Variants in BANK1 observed in about 807,000 individuals in gnomAD.
BANK1 encodes B cell scaffold protein with ankyrin repeats 1, also known as B-cell scaffold protein with ankyrin repeats.
A neutral mutation model predicts 94.5 loss-of-function variants in BANK1; 95 were observed. The ratio of observed to expected loss-of-function variants is 1.00; its 90% confidence interval spans 0.85 to 1.19. The LOEUF (loss-of-function observed/expected upper bound fraction) is 1.19, where lower values mean the gene tolerates loss of function less well. BANK1 is among the 50% of genes most tolerant of loss of function. BANK1 has a pLI of 0.00. For missense variants in BANK1, 987 were observed against 932.2 expected (o/e 1.06, Z -0.77); for synonymous variants, 334 against 308.4 (o/e 1.08, Z -0.87).
intron 7 of BANK1, among the ~76,000 whole-genome samples, chr4:102,008,851 G>T (rs934973903): frequency 3.3e-5 from 5 of 152,188 alleles, no homozygotes; most frequent in Middle Eastern, 3.4e-3. Context: ...TTGTATCCAA[G>T]CCAGATGTCA....
intron 2 of BANK1, 63 bp downstream of exon 2, chr4:101,830,269 A>C: frequency 7.3e-7 from 1 of 1,362,108 alleles, no homozygotes; most frequent in Non-Finnish European, 9.7e-7. Flanking sequence ...TAATTAAAGA[A>C]TTGCAAGTTG....
In BANK1 at chr4:102,031,547, G is replaced by A. The variant is rs529911430; in HGVS notation, c.1900+1282G>A. ...GCTCATTTTTAAATTTAGAAACATA[G>A]TGAGTAAAGAAAATAAGAATGATGG... On this transcript the variant is annotated intron_variant, in intron 10 of 16. Transcript: ENST00000322953. Among the ~76,000 whole-genome samples the A allele has an allele frequency of 4.6e-5, 7 of 152,230 alleles. No homozygotes were observed. The South Asian group carries it at 1.5e-3, about 32-fold the overall frequency.
chr4:101,888,512 A>G (rs1045760703), intron 5 of BANK1, among the ~76,000 whole-genome samples: 19 of 152,192 alleles, frequency 1.2e-4, no homozygotes, highest in Admixed American at 1.2e-3. Context: ...TTACTTAAAT[A>G]CTATTTCAGA....
At chr4:101,795,467 T>G (rs1476034317) in intron 1 of BANK1, among the ~76,000 whole-genome samples, 3 of 152,174 alleles carry the variant, frequency 2.0e-5, no homozygotes, top group Non-Finnish European at 4.4e-5. Flanking sequence ...AGGGCATGAT[T>G]CTATAAAATC....
At chr4:101,911,640 A>G (rs761374893) in intron 6 of BANK1, among the ~76,000 whole-genome samples, 17 of 152,216 alleles carry the variant, frequency 1.1e-4, no homozygotes, top group Admixed American at 3.3e-4. Context: ...CCTGGTATCA[A>G]TAGATACAAA....
intron 5 of BANK1, among the ~76,000 whole-genome samples, chr4:101,892,204 T>C (rs1344608965): frequency 6.6e-6 from 1 of 150,732 alleles, no homozygotes; most frequent in Non-Finnish European, 1.5e-5. Context: ...CTTTATTATA[T>C]TTATATTTTC....
At chr4:101,815,605 A>C (rs1262700249) in intron 1 of BANK1, among the ~76,000 whole-genome samples, 1 of 152,140 alleles carries the variant, frequency 6.6e-6, no homozygotes, top group Non-Finnish European at 1.5e-5. Flanking sequence ...TGATAGATAT[A>C]ATAGATTTGG....
chr4:101,931,526 G>T (rs187473217), intron 7 of BANK1, among the ~76,000 whole-genome samples: 4 of 151,440 alleles, frequency 2.6e-5, no homozygotes, highest in African/African-American at 9.7e-5. Context: ...GCTTTCCTGG[G>T]TCTCTAGCTT....
At chr4:101,993,727 A>C (rs1725783849) in intron 7 of BANK1, among the ~76,000 whole-genome samples, 1 of 152,188 alleles carries the variant, frequency 6.6e-6, no homozygotes, top group Non-Finnish European at 1.5e-5. Context: ...AGGGCGTTTG[A>C]TTACGGAGAA....
intron 6 of BANK1, among the ~76,000 whole-genome samples, chr4:101,906,209 G>T (rs1461049482): frequency 6.6e-6 from 1 of 152,110 alleles, no homozygotes; most frequent in Non-Finnish European, 1.5e-5. Flanking sequence ...TCATCCAACT[G>T]GAAACAGCAA....
At chr4:101,922,009 CGT>C (rs68027862) in intron 7 of BANK1, among the ~76,000 whole-genome samples, 31,721 of 129,156 alleles carry the variant, frequency 0.25, 3,715 homozygotes, top group Non-Finnish European at 0.27. Flanking sequence ...ACACTGGGCC[CGT>C]GTGTGTGTGT....
chr4:102,022,307 C>T (rs1322505029), intron 8 of BANK1, among the ~76,000 whole-genome samples: 1 of 152,144 alleles, frequency 6.6e-6, no homozygotes, highest in Non-Finnish European at 1.5e-5. Context: ...CTCCTTCCCT[C>T]CTTTGTTCAA....
intron 5 of BANK1, among the ~76,000 whole-genome samples, chr4:101,894,935 G>A (rs1245729119): frequency 6.6e-6 from 1 of 151,768 alleles, no homozygotes; most frequent in South Asian, 2.1e-4. Flanking sequence ...TTATTAAACT[G>A]CAAAATATAT....
intron 2 of BANK1, among the ~76,000 whole-genome samples, chr4:101,847,733 T>TCACA (rs1250069492): frequency 1.0e-5 from 1 of 98,544 alleles, no homozygotes; most frequent in Non-Finnish European, 2.0e-5. Context: ...TAGTATTCCA[T>TCACA]CATACACACA....
intron 2 of BANK1, among the ~76,000 whole-genome samples, chr4:101,845,439 A>G (rs1727208786): frequency 6.6e-6 from 1 of 152,220 alleles, no homozygotes; most frequent in Non-Finnish European, 1.5e-5. Flanking sequence ...CCTGCTGTCA[A>G]AATTCAAGTA....
At chr4:101,965,451 CTTAA>C (rs1326010702) in intron 7 of BANK1, among the ~76,000 whole-genome samples, 2 of 151,918 alleles carry the variant, frequency 1.3e-5, no homozygotes, top group Admixed American at 1.3e-4. Flanking sequence ...CCTGTGTCTT[CTTAA>C]TTAAAGAGTA....
At chr4:101,921,334 C>T (rs1390861013) in intron 7 of BANK1, among the ~76,000 whole-genome samples, 2 of 151,848 alleles carry the variant, frequency 1.3e-5, no homozygotes, top group Non-Finnish European at 1.5e-5. Context: ...GTATGAACAA[C>T]GATTTGCTTA....
chr4:101,898,564 TA>T (rs1286029760), intron 6 of BANK1, among the ~76,000 whole-genome samples: 1 of 152,044 alleles, frequency 6.6e-6, no homozygotes, highest in East Asian at 1.9e-4. Flanking sequence ...AACATAATCA[TA>T]AGGAATTGAA....
chr4:102,019,631 A>G (rs17031870), intron 7 of BANK1, among the ~76,000 whole-genome samples: 1,858 of 152,318 alleles, frequency 0.012, 35 homozygotes, highest in East Asian at 0.065. Flanking sequence ...AAGGATTAAA[A>G]TGATTAGATG....
Sources: allele counts gnomAD v4.1 joint callset (sites outside exome capture counted in the v4.1 genomes callset), GRCh38; gene constraint gnomAD v4.1.1; transcripts MANE v1.5; gene names NCBI Gene and HGNC (gene_info 2026-07-23, HGNC 2026-07-21).